The following KCTD1 variants were observed in gnomAD, a reference collection of about 807,000 sequenced individuals.
KCTD1 encodes the protein potassium channel tetramerization domain containing 1.
A neutral mutation model predicts 66.0 loss-of-function variants in KCTD1; 24 were observed. That is an observed-to-expected ratio of 0.36 (90% CI 0.26 to 0.51). The LOEUF is 0.51. Among genes scored for constraint, KCTD1 ranks in the 20% least tolerant of loss-of-function variants. The probability of loss-of-function intolerance (pLI) is 0.95; values close to 1 mark genes in which losing one functional copy is unlikely to be tolerated. For missense variants in KCTD1, 943 were observed against 1,205.2 expected (o/e 0.78, Z 3.22); for synonymous variants, 511 against 517.2 (o/e 0.99, Z 0.16).
At chr18:26,600,207 C>T in intron 1 of KCTD1, 2 of 1,600,882 alleles carry the variant, frequency 1.2e-6, no homozygotes, top group South Asian at 1.1e-5. Context: ...AGATGAGCTC[C>T]CAGCCCAAGT....
intron 1 of KCTD1, chr18:26,599,816 A>AG: frequency 6.4e-7 from 1 of 1,558,834 alleles, no homozygotes. Flanking sequence ...CTAACCCCTG[A>AG]GGAAATACAG....
intron 1 of KCTD1, among the ~76,000 whole-genome samples, chr18:26,590,242 C>A (rs1355458993): frequency 2.6e-5 from 4 of 151,844 alleles, no homozygotes; most frequent in Non-Finnish European, 5.9e-5. Context: ...TGGCACCACA[C>A]CTGGCTCATT....
chr18:26,455,438 G>C lies in KCTD1; in HGVS notation c.*305C>G, dbSNP rs1980011633. ...GTTTATTTGTCAGAGGCCTCGGAAG[G>C]CCCAGGACACTTCACGGCCATCACA... On this transcript the variant is annotated 3_prime_UTR_variant, in exon 5 of 5. Transcript: ENST00000580059. The C allele has an allele frequency of 5.9e-6, 1 of 169,002 alleles. No homozygotes were observed. Among genetic ancestry groups the C allele is most frequent in the Admixed American group, 6.4e-5 (1 of 15,554 alleles). The allele number at this position is 169,002 out of a possible 1,614,324, so 10.5% of individuals were successfully genotyped here. A position where few individuals can be genotyped will look rare whatever the true frequency, so the allele number is the denominator to read the frequency against.
intron 1 of KCTD1, among the ~76,000 whole-genome samples, chr18:26,583,645 G>T (rs1986409120): frequency 6.6e-6 from 1 of 152,138 alleles, no homozygotes; most frequent in South Asian, 2.1e-4. Flanking sequence ...GTGGATAAAA[G>T]TTTATTTCAT....
intron 1 of KCTD1, among the ~76,000 whole-genome samples, chr18:26,597,031 G>A (rs1446972791): frequency 6.6e-6 from 1 of 151,688 alleles, no homozygotes; most frequent in African/African-American, 2.4e-5. Context: ...AAGCTGCAGT[G>A]ACCCAGAGAA....
chr18:26,559,028 G>T (rs1361047643), intron 1 of KCTD1, among the ~76,000 whole-genome samples: 1 of 152,128 alleles, frequency 6.6e-6, no homozygotes, highest in East Asian at 1.9e-4. Flanking sequence ...AGTGAAAGAA[G>T]CCAAGCACAG....
chr18:26,548,573 T>C, upstream of KCTD1: 1 of 1,204,906 alleles, frequency 8.3e-7, no homozygotes, highest in Non-Finnish European at 1.0e-6. Flanking sequence ...GCAGGGCGCA[T>C]GCGCTATATT....
At chr18:26,486,131 G>A (rs73399559) in intron 2 of KCTD1, among the ~76,000 whole-genome samples, 2,522 of 152,134 alleles carry the variant, frequency 0.017, 76 homozygotes, top group African/African-American at 0.058. Context: ...CCCATGTCTC[G>A]AACTCCTGAC....
intron 1 of KCTD1, among the ~76,000 whole-genome samples, chr18:26,541,938 A>G (rs1984992393): frequency 6.6e-6 from 1 of 152,166 alleles, no homozygotes; most frequent in Non-Finnish European, 1.5e-5. Flanking sequence ...TGAAAATCCA[A>G]AAGAACTTTA....
chr18:26,491,569 A>G (rs1328718468), intron 2 of KCTD1, among the ~76,000 whole-genome samples: 1 of 152,178 alleles, frequency 6.6e-6, no homozygotes, highest in Non-Finnish European at 1.5e-5. Context: ...TGCCCAGTCC[A>G]AGGCGGTCCT....
Position 26,487,763 on chromosome 18 carries a change from C to T in KCTD1, c.1989-11104G>A, listed in dbSNP as rs16942362. 5.7e-3 allele frequency among the ~76,000 whole-genome samples: 863 copies of T among 152,308 alleles called. 7 individuals are homozygous for T. Among genetic ancestry groups the T allele is most frequent in the African/African-American group, 0.02 (820 of 41,568 alleles). ...ATCATAGTTCAAAAATTTACCTAGACGCCCCAAGCCAGTCCATAGCCATGC... is the reference window on the plus strand; with the variant it reads ...ATCATAGTTCAAAAATTTACCTAGATGCCCCAAGCCAGTCCATAGCCATGC... On this transcript the variant is annotated intron_variant, in intron 2 of 4. Transcript: ENST00000580059.
chr18:26,657,090 C>T lies in KCTD1; in HGVS notation c.9+270G>A, dbSNP rs372852461. On this transcript the variant is annotated intron_variant, in intron 1 of 4. Transcript: ENST00000580191. Reference sequence around the variant, plus strand: ...GCCCCTGCTGGCCGCACCCGCTCCTCCTGCCCGCTCTGCTCCGCCCTGCTC... The same window carrying T: ...GCCCCTGCTGGCCGCACCCGCTCCTTCTGCCCGCTCTGCTCCGCCCTGCTC... Among the ~76,000 whole-genome samples, 126 of 151,624 alleles carry T rather than the reference C, an allele frequency of 8.3e-4. 2 individuals carry two copies. In the South Asian group the frequency reaches 0.025, roughly 30 times the overall value.
intron 3 of KCTD1, among the ~76,000 whole-genome samples, chr18:26,469,057 G>C (rs1980907403): frequency 6.6e-6 from 1 of 152,114 alleles, no homozygotes. Context: ...AGCTTCTGCT[G>C]CCCCTCCCAG....
At chr18:26,512,173 G>T (rs1264413269) in intron 1 of KCTD1, among the ~76,000 whole-genome samples, 1 of 151,966 alleles carries the variant, frequency 6.6e-6, no homozygotes, top group Non-Finnish European at 1.5e-5. Context: ...GCGCGATCTT[G>T]GCTTACTGCA....
intron 1 of KCTD1, among the ~76,000 whole-genome samples, chr18:26,617,981 T>C (rs1987294465): frequency 6.6e-6 from 1 of 151,548 alleles, no homozygotes; most frequent in Non-Finnish European, 1.5e-5. Context: ...GCTATAACAG[T>C]ACATCACAGC....
intron 1 of KCTD1, among the ~76,000 whole-genome samples, chr18:26,529,518 C>T (rs1462103499): frequency 6.6e-6 from 1 of 152,200 alleles, no homozygotes; most frequent in East Asian, 1.9e-4. Context: ...AAATCCTTCT[C>T]TCTGTTGCTC....
rs1980067244 is a variant in KCTD1 at position 26,455,995 on chromosome 18, TC to T, written c.2440-95del. 4 of 1,209,386 alleles carry T rather than the reference TC, an allele frequency of 3.3e-6. No individual in the cohort carries two copies. In the Admixed American group the frequency reaches 7.3e-5, roughly 22 times the overall value. The allele number at this position is 1,209,386 out of a possible 1,614,324, so 74.9% of individuals were successfully genotyped here. ...AGTTTGAGATTATGCGCACTCTGGT[TC>T]ATCTCATCCAGCACCCATGTCCCTG... On this transcript the variant is annotated intron_variant, in intron 4 of 4. Coordinates refer to ENST00000580059, the MANE Select transcript of KCTD1 (RefSeq NM_001142730.3).
intron 1 of KCTD1, among the ~76,000 whole-genome samples, chr18:26,592,889 G>C (rs1986640847): frequency 6.6e-6 from 1 of 152,176 alleles, no homozygotes; most frequent in Non-Finnish European, 1.5e-5. Flanking sequence ...TTATATTTCT[G>C]AGCCTTATAT....
chr18:26,459,877 T>C lies in KCTD1; in HGVS notation c.2182A>G (p.Met728Val). ...TTCCATCTTTCCATCTCCAACAACA[T>C]GGGCTGAAGCTGAAAATATTTTGCC... ...EEAKYFQLQP[M>V]LLEMERWKQD... Residue 728 changes from methionine (M) to valine (V), a missense_variant, in exon 4 of 5, where the codon ATG becomes GTG. Physicochemically the swap from Met to Val is conservative, Grantham distance 21 (BLOSUM62 1). Transcript: ENST00000580059. The C allele has an allele frequency of 6.2e-7, 1 of 1,610,144 alleles. No homozygotes were observed. Among genetic ancestry groups the C allele is most frequent in the Non-Finnish European group, 8.5e-7 (1 of 1,177,682 alleles).
Sources: allele counts gnomAD v4.1 joint callset (sites outside exome capture counted in the v4.1 genomes callset), GRCh38; gene constraint gnomAD v4.1.1; transcripts MANE v1.5; gene names NCBI Gene and HGNC (gene_info 2026-07-23, HGNC 2026-07-21).